ARFGAP3: variants seen among roughly 807,000 people sequenced by gnomAD.
ARFGAP3 encodes ARF GTPase activating protein 3, also known as ADP-ribosylation factor GTPase-activating protein 3.
ARFGAP3 carries 72 observed loss-of-function variants against 75.0 expected under a neutral mutation model. That is an observed-to-expected ratio of 0.96 (90% confidence interval 0.79 to 1.17). ARFGAP3 has a LOEUF of 1.17. Ranked by LOEUF, ARFGAP3 falls within the 50% of genes most tolerant of loss-of-function variation. The pLI, the probability that ARFGAP3 is intolerant of heterozygous loss-of-function variation, is 0.00. For missense variants in ARFGAP3, 620 were observed against 626.6 expected, an observed-to-expected ratio of 0.99 and a Z score of 0.11; for synonymous variants, 221 against 217.9, an observed-to-expected ratio of 1.01 and a Z score of -0.13.
At chr22:42,830,223 T>C (rs1181829798) in intron 6 of ARFGAP3, among the ~76,000 whole-genome samples, 1 of 152,014 alleles carries the variant, frequency 6.6e-6, no homozygotes, top group African/African-American at 2.4e-5. Context: ...GCTTAAGAGA[T>C]CTGCCTGCCT....
In ARFGAP3 at chr22:42,826,973, C is replaced by T. The variant is rs1359320038; in HGVS notation, c.592G>A (p.Glu198Lys). 4 of 1,613,516 alleles carry T rather than the reference C, an allele frequency of 2.5e-6. No individual in the cohort carries two copies. Among genetic ancestry groups the T allele is most frequent in the Non-Finnish European group, 3.4e-6 (4 of 1,179,888 alleles). Residue 198 changes from glutamate to lysine, a missense_variant, in exon 7 of 16, where the codon GAA becomes AAA. Coordinates refer to ENST00000263245, the MANE Select transcript of ARFGAP3 (RefSeq NM_014570.5). ...GCCTTTGTTGGTACATTAAGACCTT[C>T]CACACTTGGTCCTTGCTCTTGTCCA... ...EGGQEQGPSV[E>K]GLNVPTKATL...
At chr22:42,850,221 G>GA (rs1569175807) in intron 1 of ARFGAP3, among the ~76,000 whole-genome samples, 1 of 151,754 alleles carries the variant, frequency 6.6e-6, no homozygotes, top group Non-Finnish European at 1.5e-5. Flanking sequence ...TCCGAATAGG[G>GA]AAAAAATTCC....
In ARFGAP3 at chr22:42,847,565, A is replaced by G. The variant is rs1433644181; in HGVS notation, c.137T>C (p.Ile46Thr). The G allele has an allele frequency of 1.2e-6, 2 of 1,613,890 alleles. No homozygotes were observed. Among genetic ancestry groups the G allele is most frequent in the Non-Finnish European group, 1.7e-6 (2 of 1,179,922 alleles). ...ASITYGVFLC[I>T]DCSGSHRSLG... ...TGACCGGTGGGACCCTGAGCAATCA[A>G]TGCAAAGGAACACTCCATAGGTTAT... The change falls in exon 2 of 16, where the codon ATT becomes ACT. Residue 46 changes from isoleucine to threonine, a missense_variant. Transcript: ENST00000263245.
intron 2 of ARFGAP3, 194 bp downstream of exon 2, chr22:42,847,320 T>C (rs1484447934): frequency 3.8e-5 from 20 of 524,224 alleles, no homozygotes; most frequent in Admixed American, 1.7e-4. Context: ...TTATACATCA[T>C]CACACCACAA....
chr22:42,855,157 T>C (rs1927441907), intron 1 of ARFGAP3, among the ~76,000 whole-genome samples: 1 of 152,184 alleles, frequency 6.6e-6, no homozygotes, highest in Admixed American at 6.5e-5. Flanking sequence ...TGTCCAAGGG[T>C]GACATACCTA....
At chr22:42,847,358 T>A in intron 2 of ARFGAP3, 156 bp downstream of exon 2, 1 of 618,574 alleles carries the variant, frequency 1.6e-6, no homozygotes, top group Non-Finnish European at 2.9e-6. Context: ...AGAGGCTGAG[T>A]TCACTTGAGC....
intron 9 of ARFGAP3, 147 bp from the exon 10 acceptor site, chr22:42,818,004 T>C (rs1925655110): frequency 4.4e-6 from 5 of 1,136,592 alleles, no homozygotes; most frequent in South Asian, 1.9e-5. Context: ...TTGGTGTTTT[T>C]TCTACCTGCC....
At chr22:42,847,411 G>T in intron 2 of ARFGAP3, 103 bp downstream of exon 2, 1 of 995,294 alleles carries the variant, frequency 1.0e-6, no homozygotes, top group Non-Finnish European at 1.5e-6. Context: ...GGTGACAGGC[G>T]ACAAGGCAAG....
At chr22:42,839,842 A>G (rs538296638) in intron 3 of ARFGAP3, among the ~76,000 whole-genome samples, 1 of 152,272 alleles carries the variant, frequency 6.6e-6, no homozygotes, top group African/African-American at 2.4e-5. Context: ...GCCCCTGTCT[A>G]TAAGAGGGGA....
intron 2 of ARFGAP3, among the ~76,000 whole-genome samples, chr22:42,847,024 G>A (rs1357595689): frequency 2.6e-5 from 4 of 152,286 alleles, no homozygotes; most frequent in East Asian, 3.9e-4. Flanking sequence ...AACGCTGAGC[G>A]TGCTAGCTCA....
chr22:42,818,887 A>G lies in ARFGAP3; in HGVS notation c.813-1030T>C, dbSNP rs559296033. On this transcript the variant is annotated intron_variant, in intron 9 of 15. Coordinates refer to ENST00000263245, the MANE Select transcript of ARFGAP3 (RefSeq NM_014570.5). ...GAGTGCAGTGGTGCAATCTTGGCTCACTGCAACCTCCACCCACGAGGTTCA... is the reference window on the plus strand; with the variant it reads ...GAGTGCAGTGGTGCAATCTTGGCTCGCTGCAACCTCCACCCACGAGGTTCA... 4.7e-5 allele frequency among the ~76,000 whole-genome samples: 7 copies of G among 150,124 alleles called. No homozygotes were observed. In the South Asian group the frequency reaches 1.3e-3, roughly 28 times the overall value.
At position 42,817,192 on chromosome 22, in the gene ARFGAP3, T is replaced by C. The variant is rs751029921; in HGVS notation, c.1014A>G (p.Arg338=). 1.2e-5 allele frequency: 19 copies of C among 1,613,788 alleles called. No homozygotes were observed. The highest frequency in any genetic ancestry group is 1.6e-5 in the Non-Finnish European group (19 of 1,179,822). Residue 338 remains arginine (R), a synonymous_variant, in exon 11 of 16, where the codon AGA becomes AGG. Coordinates refer to ENST00000263245, the MANE Select transcript of ARFGAP3 (RefSeq NM_014570.5). ...EQESPIMAKP[R]KKYNDDSDDS... ...CGTCACTGTCATCATTATACTTTTT[T>C]CTTGGTTTTGCCATAATGGGTGATT...
intron 5 of ARFGAP3, 129 bp from the exon 6 acceptor site, chr22:42,831,765 G>A: frequency 6.7e-7 from 1 of 1,481,788 alleles, no homozygotes; most frequent in Admixed American, 2.6e-5. Context: ...GGAAAGGAAG[G>A]CATATCTACT....
intron 2 of ARFGAP3, among the ~76,000 whole-genome samples, chr22:42,845,484 C>A (rs1171955875): frequency 6.8e-6 from 1 of 148,136 alleles, no homozygotes; most frequent in Non-Finnish European, 1.5e-5. Flanking sequence ...CAAGATCGTG[C>A]CACTGCACCC....
chr22:42,799,232 G>C lies in ARFGAP3; in HGVS notation c.1412-72C>G, dbSNP rs533849648. 2.5e-5 allele frequency: 39 copies of C among 1,581,032 alleles called. No individual in the cohort carries two copies. The South Asian group carries it at 3.8e-4, about 16-fold the overall frequency. On this transcript the variant is annotated intron_variant, in intron 14 of 15. Coordinates refer to ENST00000263245, the MANE Select transcript of ARFGAP3 (RefSeq NM_014570.5). ...CTGCGGCAAACCCAGTACCCAGAGT[G>C]CTCAACGGCTCCAGAGAACCCGGAT...
At chr22:42,850,812 A>G (rs4822205) in intron 1 of ARFGAP3, among the ~76,000 whole-genome samples, 61,043 of 152,010 alleles carry the variant, frequency 0.4, 12,782 homozygotes, top group Non-Finnish European at 0.45. Context: ...AGAGGCCAGG[A>G]GATTTACTTT....
chr22:42,856,333 CGTGTCACAGGAGGGGCGGGGAGAG>C (rs1388617231), intron 1 of ARFGAP3, among the ~76,000 whole-genome samples: 2 of 152,172 alleles, frequency 1.3e-5, no homozygotes, highest in African/African-American at 2.4e-5. Context: ...AGACAACACT[CGTGTCACAGGAGGGGCGGGGAGAG>C]CCCACGCTGA....
intron 12 of ARFGAP3, among the ~76,000 whole-genome samples, chr22:42,809,988 A>G (rs1226442364): frequency 7.0e-6 from 1 of 143,296 alleles, no homozygotes; most frequent in Non-Finnish European, 1.5e-5. Context: ...TGGGTGACAG[A>G]GCAAGACTCC....
intron 6 of ARFGAP3, among the ~76,000 whole-genome samples, chr22:42,829,813 C>G (rs1926205821): frequency 6.6e-6 from 1 of 152,118 alleles, no homozygotes; most frequent in Non-Finnish European, 1.5e-5. Flanking sequence ...CCCATGTTTT[C>G]TTCTAGGATA....
Sources: allele counts gnomAD v4.1 joint callset (sites outside exome capture counted in the v4.1 genomes callset), GRCh38; gene constraint gnomAD v4.1.1; transcripts MANE v1.5; gene names NCBI Gene and HGNC (gene_info 2026-07-23, HGNC 2026-07-21).